Variants in CA10 observed in about 807,000 individuals in gnomAD.
The protein encoded by CA10 is carbonic anhydrase 10 (inactive).
A neutral mutation model predicts 44.2 loss-of-function variants in CA10; 14 were observed. The observed-to-expected ratio is 0.32, with a 90% CI of 0.21 to 0.50. The LOEUF (loss-of-function observed/expected upper bound fraction) is 0.50, where lower values mean the gene tolerates loss of function less well. Among genes scored for constraint, CA10 ranks in the 20% least tolerant of loss-of-function variants. The pLI is 0.99. For synonymous variants in CA10, 159 were observed against 141.6 expected, an observed-to-expected ratio of 1.12 and a Z score of -0.87; for missense variants, 350 against 409.7, an observed-to-expected ratio of 0.85 and a Z score of 1.26.
At chr17:52,010,797 A>G (rs1256635348) in intron 2 of CA10, among the ~76,000 whole-genome samples, 2 of 133,998 alleles carry the variant, frequency 1.5e-5, no homozygotes, top group Non-Finnish European at 3.3e-5. Flanking sequence ...AGAAAAATGC[A>G]TGTTAGTGCT....
chr17:52,123,320 CAT>C (rs1226521757), intron 1 of CA10, among the ~76,000 whole-genome samples: 3 of 147,320 alleles, frequency 2.0e-5, no homozygotes, highest in African/African-American at 5.1e-5. Flanking sequence ...AACAGGATTA[CAT>C]ATATATGTGT....
chr17:51,763,883 A>G (rs1048955360), intron 3 of CA10, among the ~76,000 whole-genome samples: 1 of 152,088 alleles, frequency 6.6e-6, no homozygotes, highest in Non-Finnish European at 1.5e-5. Context: ...CTGCTAATGT[A>G]TCTTATTCTA....
At chr17:51,962,296 T>C (rs566461052) in intron 2 of CA10, among the ~76,000 whole-genome samples, 15 of 152,356 alleles carry the variant, frequency 9.8e-5, no homozygotes, top group Admixed American at 3.3e-4. Flanking sequence ...TCCCAGCCCC[T>C]TGCCCAGTCA....
At chr17:51,866,957 A>C (rs537991128) in intron 3 of CA10, among the ~76,000 whole-genome samples, 1 of 152,332 alleles carries the variant, frequency 6.6e-6, no homozygotes, top group South Asian at 2.1e-4. Flanking sequence ...TCAGAAGTTA[A>C]AACTCAGAAG....
intron 3 of CA10, among the ~76,000 whole-genome samples, chr17:51,864,331 C>A (rs1325026205): frequency 2.0e-5 from 3 of 152,082 alleles, no homozygotes; most frequent in Admixed American, 6.5e-5. Context: ...GTAAGTGGTC[C>A]ATAAATATTT....
At chr17:51,698,170 T>C (rs1414910800) in intron 4 of CA10, among the ~76,000 whole-genome samples, 3 of 152,222 alleles carry the variant, frequency 2.0e-5, no homozygotes, top group Admixed American at 2.0e-4. Flanking sequence ...CTGCTGCTGC[T>C]ACTGTTGCTG....
chr17:51,839,228 C>T (rs1978299407), intron 3 of CA10, among the ~76,000 whole-genome samples: 1 of 152,154 alleles, frequency 6.6e-6, no homozygotes, highest in South Asian at 2.1e-4. Flanking sequence ...CACGGTGGCT[C>T]ATGCCTGTAA....
intron 6 of CA10, among the ~76,000 whole-genome samples, chr17:51,638,520 A>T (rs1912933159): frequency 6.6e-6 from 1 of 152,236 alleles, no homozygotes; most frequent in South Asian, 2.1e-4. Flanking sequence ...TAACAAAGCC[A>T]CAGTGCCCAG....
intron 1 of CA10, among the ~76,000 whole-genome samples, chr17:52,147,498 A>G (rs1989614407): frequency 6.6e-6 from 1 of 152,094 alleles, no homozygotes; most frequent in South Asian, 2.1e-4. Context: ...ATTTAAAAAA[A>G]AAAAAAAAGC....
intron 2 of CA10, among the ~76,000 whole-genome samples, chr17:52,015,923 A>G (rs1225089513): frequency 2.0e-5 from 3 of 152,088 alleles, no homozygotes; most frequent in East Asian, 3.9e-4. Flanking sequence ...TGTGGGGAGG[A>G]TCATTTTTAG....
chr17:51,764,558 C>T (rs951028503), intron 3 of CA10, among the ~76,000 whole-genome samples: 4 of 152,152 alleles, frequency 2.6e-5, no homozygotes, highest in Non-Finnish European at 5.9e-5. Context: ...AACCTAGTCA[C>T]TAGAGGGCAG....
At chr17:51,968,174 C>T (rs1984150962) in intron 2 of CA10, among the ~76,000 whole-genome samples, 2 of 151,876 alleles carry the variant, frequency 1.3e-5, no homozygotes, top group African/African-American at 4.8e-5. Flanking sequence ...GTTAAACATA[C>T]ATCTTTATAA....
intron 3 of CA10, among the ~76,000 whole-genome samples, chr17:51,820,266 T>C (rs930272453): frequency 2.9e-5 from 4 of 139,140 alleles, no homozygotes; most frequent in African/African-American, 1.1e-4. Context: ...CCCACTCCAA[T>C]GCGTTCTTTT....
At chr17:52,155,589 A>G (rs1989787618) in intron 1 of CA10, among the ~76,000 whole-genome samples, 1 of 152,214 alleles carries the variant, frequency 6.6e-6, no homozygotes, top group South Asian at 2.1e-4. Context: ...GGATGAGGCC[A>G]CCCTGACCAT....
At chr17:52,143,287 G>T (rs974282058) in intron 1 of CA10, among the ~76,000 whole-genome samples, 6 of 151,958 alleles carry the variant, frequency 3.9e-5, no homozygotes, top group African/African-American at 1.4e-4. Flanking sequence ...ATATTTATCT[G>T]ACATGAATTT....
chr17:51,663,377 C>T (rs1914082645), intron 4 of CA10, among the ~76,000 whole-genome samples: 1 of 152,086 alleles, frequency 6.6e-6, no homozygotes, highest in South Asian at 2.1e-4. Context: ...CTGCCACCAT[C>T]CAAGAATGAG....
intron 2 of CA10, among the ~76,000 whole-genome samples, chr17:51,961,182 C>G (rs1192253884): frequency 1.0e-5 from 1 of 96,858 alleles, no homozygotes; most frequent in Non-Finnish European, 2.1e-5. Flanking sequence ...TCTGTATGTA[C>G]ACACAAACAC....
chr17:51,889,358 C>A (rs181020552), intron 3 of CA10, among the ~76,000 whole-genome samples: 6 of 151,896 alleles, frequency 4.0e-5, no homozygotes, highest in East Asian at 3.9e-4. Context: ...CCTGTCTCTA[C>A]GAAAAATACA....
chr17:51,743,408 A>C (rs1250716588), intron 4 of CA10, among the ~76,000 whole-genome samples: 2 of 152,238 alleles, frequency 1.3e-5, no homozygotes, highest in African/African-American at 4.8e-5. Flanking sequence ...TATTAAAAAC[A>C]GTTCATTTTT....
Sources: gnomAD v4.1 joint callset for allele counts (sites outside exome capture counted in the v4.1 genomes callset) on GRCh38, gnomAD v4.1.1 for gene constraint, MANE v1.5 for transcripts, NCBI Gene and HGNC (gene_info 2026-07-23, HGNC 2026-07-21) for gene names.